PTPRN2: variants seen among roughly 807,000 people sequenced by gnomAD.
The protein encoded by PTPRN2 is protein tyrosine phosphatase receptor type N2, also known as receptor-type tyrosine-protein phosphatase N2.
PTPRN2 carries 74 observed loss-of-function variants against 118.8 expected under a neutral mutation model. The observed-to-expected ratio is 0.62, with a 90% CI of 0.52 to 0.76. PTPRN2 has a LOEUF of 0.76. Among genes scored for constraint, PTPRN2 ranks in the 30% least tolerant of loss-of-function variants. PTPRN2 has a pLI of 0.00. For synonymous variants in PTPRN2, 641 were observed against 608.0 expected (o/e 1.05, Z -0.80); for missense variants, 1,481 against 1,394.4 (o/e 1.06, Z -0.99).
chr7:157,754,702 C>T (rs1801680111), intron 12 of PTPRN2, among the ~76,000 whole-genome samples: 1 of 152,206 alleles, frequency 6.6e-6, no homozygotes, highest in African/African-American at 2.4e-5. Flanking sequence ...TGCCCCCAGC[C>T]CTACTTGGCA....
intron 21 of PTPRN2, among the ~76,000 whole-genome samples, chr7:157,556,700 C>T (rs1006122645): frequency 4.0e-5 from 6 of 149,398 alleles, no homozygotes; most frequent in African/African-American, 9.9e-5. Context: ...CATGCCCACA[C>T]ACATATACAC....
intron 12 of PTPRN2, among the ~76,000 whole-genome samples, chr7:157,709,917 G>A (rs183224864): frequency 2.6e-5 from 4 of 152,338 alleles, no homozygotes; most frequent in African/African-American, 9.6e-5. Flanking sequence ...GGGAGCAGTG[G>A]TTCCTTACAA....
intron 3 of PTPRN2, among the ~76,000 whole-genome samples, chr7:158,236,139 G>A (rs1007384425): frequency 2.6e-4 from 39 of 152,316 alleles, no homozygotes; most frequent in Admixed American, 6.5e-4. Context: ...CATCACCATC[G>A]TCCTTGCCAT....
chr7:158,546,829 T>C lies in PTPRN2; in HGVS notation c.112+40729A>G, dbSNP rs1292684084. ...AACATGCAGATGCACACACAGGGCA[T>C]GGGCACTCCAGAGGGGCTCAGCTTA... On this transcript the variant is annotated intron_variant, in intron 1 of 22. Transcript: ENST00000389418. This position sits in a 1 kb window ranked among gnomAD's most constrained non-coding sequence, Gnocchi z 5.0. Among the ~76,000 whole-genome samples, 1 of 152,226 alleles carries C rather than the reference T, an allele frequency of 6.6e-6. No individual in the cohort carries two copies. Among genetic ancestry groups the C allele is most frequent in the Non-Finnish European group, 1.5e-5 (1 of 68,032 alleles).
chr7:157,627,686 T>C lies in PTPRN2; in HGVS notation c.2197-6177A>G, dbSNP rs1263541. ...GAGTGAAAAGGTGTCTCCAACCTTC[T>C]CAAATTCTCATACTTCCTGAGGGCC... On this transcript the variant is annotated intron_variant, in intron 14 of 22. Coordinates refer to ENST00000389418, the MANE Select transcript of PTPRN2 (RefSeq NM_002847.5). The surrounding 1 kb of genome is among the most constrained non-coding windows in gnomAD (Gnocchi z 4.2). 1.3e-5 allele frequency among the ~76,000 whole-genome samples: 2 copies of C among 152,298 alleles called. No individual in the cohort carries two copies. Among genetic ancestry groups the C allele is most frequent in the East Asian group, 3.9e-4 (2 of 5,182 alleles).
Position 157,953,976 on chromosome 7 carries a change from C to T in PTPRN2, c.1724-55239G>A, listed in dbSNP as rs141006433. Among the ~76,000 whole-genome samples the T allele has an allele frequency of 6.6e-5, 10 of 152,322 alleles. No individual in the cohort carries two copies. In the East Asian group the frequency reaches 1.4e-3, roughly 21 times the overall value. ...CTTCCACAGAACTCTCTGGAAAGGCCGTTCCAAGAGCTTCAGGTGTTCAGG... is the reference window on the plus strand; with the variant it reads ...CTTCCACAGAACTCTCTGGAAAGGCTGTTCCAAGAGCTTCAGGTGTTCAGG... On this transcript the variant is annotated intron_variant, in intron 11 of 22. Coordinates refer to ENST00000389418, the MANE Select transcript of PTPRN2 (RefSeq NM_002847.5). The surrounding 1 kb of genome is among the most constrained non-coding windows in gnomAD (Gnocchi z 4.6).
At chr7:158,128,559 A>G (rs963836599) in intron 9 of PTPRN2, among the ~76,000 whole-genome samples, 1 of 152,208 alleles carries the variant, frequency 6.6e-6, no homozygotes, top group African/African-American at 2.4e-5. Context: ...CACAGACAGG[A>G]AATGACCCAA....
chr7:158,152,185 A>AAAAAAC (rs1821259682), intron 6 of PTPRN2, among the ~76,000 whole-genome samples: 2 of 150,982 alleles, frequency 1.3e-5, no homozygotes, highest in Non-Finnish European at 3.0e-5. Flanking sequence ...AAAAAAAAAA[A>AAAAAAC]AAAAAACCAT....
At chr7:157,709,131 G>A (rs1798473824) in intron 12 of PTPRN2, among the ~76,000 whole-genome samples, 3 of 152,202 alleles carry the variant, frequency 2.0e-5, no homozygotes, top group South Asian at 2.1e-4. Context: ...GGCCTGGGTC[G>A]GGGGCTGTGC....
At chr7:158,210,781 C>A (rs909141047) in intron 3 of PTPRN2, among the ~76,000 whole-genome samples, 1 of 152,174 alleles carries the variant, frequency 6.6e-6, no homozygotes, top group Non-Finnish European at 1.5e-5. Flanking sequence ...AAATCAAAAA[C>A]CTGAACAGAT....
chr7:158,407,284 G>C (rs371905742), intron 2 of PTPRN2, among the ~76,000 whole-genome samples: 140 of 81,122 alleles, frequency 1.7e-3, no homozygotes, highest in African/African-American at 4.1e-3. Context: ...CTGGGTCCTG[G>C]GTCCTGGGTC....
chr7:157,649,645 C>T (rs1298381566), intron 14 of PTPRN2, among the ~76,000 whole-genome samples: 2 of 93,868 alleles, frequency 2.1e-5, no homozygotes, highest in South Asian at 3.8e-4. Flanking sequence ...GCACTGAACT[C>T]GGTGGGTCGG....
At chr7:157,894,079 C>A (rs1796965796) in intron 12 of PTPRN2, among the ~76,000 whole-genome samples, 1 of 152,160 alleles carries the variant, frequency 6.6e-6, no homozygotes, top group African/African-American at 2.4e-5. Flanking sequence ...TTAAAACCTG[C>A]CTGACGCATA....
intron 14 of PTPRN2, among the ~76,000 whole-genome samples, chr7:157,633,437 C>T (rs1804092032): frequency 1.3e-5 from 2 of 152,230 alleles, no homozygotes; most frequent in African/African-American, 4.8e-5. Context: ...GCTACAACGC[C>T]TGGCCTCATT....
intron 11 of PTPRN2, among the ~76,000 whole-genome samples, chr7:158,074,664 C>T (rs910472026): frequency 1.3e-5 from 2 of 152,070 alleles, no homozygotes; most frequent in Non-Finnish European, 2.9e-5. Flanking sequence ...GGGCTCTTCT[C>T]CCTGATCAGG....
At chr7:158,027,911 T>G (rs1397585340) in intron 11 of PTPRN2, 2 of 152,160 alleles carry the variant, frequency 1.3e-5, no homozygotes, top group African/African-American at 4.8e-5. Flanking sequence ...AGGCCTGGGT[T>G]CCCCCATACC....
chr7:158,216,733 C>T (rs1827985777), intron 3 of PTPRN2, among the ~76,000 whole-genome samples: 1 of 152,096 alleles, frequency 6.6e-6, no homozygotes, highest in Non-Finnish European at 1.5e-5. Flanking sequence ...AAGAACTCAA[C>T]AATACCATTA....
intron 22 of PTPRN2, among the ~76,000 whole-genome samples, chr7:157,544,007 C>T (rs186606745): frequency 3.8e-3 from 523 of 136,040 alleles, no homozygotes; most frequent in Non-Finnish European, 6.9e-3. Context: ...AGATGGAGAG[C>T]GGTGGAGAGA....
At chr7:157,750,354 G>T in intron 12 of PTPRN2, among the ~76,000 whole-genome samples, 1 of 152,164 alleles carries the variant, frequency 6.6e-6, no homozygotes, top group East Asian at 1.9e-4. Context: ...CGGCAATGAG[G>T]CTGGCCGGAT....
Sources: allele counts gnomAD v4.1 joint callset (sites outside exome capture counted in the v4.1 genomes callset), GRCh38; gene constraint gnomAD v4.1.1; non-coding constraint Gnocchi (gnomAD v3.1); transcripts MANE v1.5; gene names NCBI Gene and HGNC (gene_info 2026-07-23, HGNC 2026-07-21).